CKAP5: variants seen among roughly 807,000 people sequenced by gnomAD.
CKAP5 encodes cytoskeleton-associated protein 5.
A neutral mutation model predicts 232.8 loss-of-function variants in CKAP5; 27 were observed. The observed-to-expected ratio is 0.12, with a 90% CI of 0.09 to 0.16. The LOEUF (loss-of-function observed/expected upper bound fraction) is 0.16, where lower values mean the gene tolerates loss of function less well. CKAP5 is among the 10% of genes least tolerant of loss of function. The probability of loss-of-function intolerance (pLI) is 1.00; values close to 1 mark genes in which losing one functional copy is unlikely to be tolerated. For missense variants in CKAP5, 1,838 were observed against 2,424.7 expected (o/e 0.76, Z 5.08); for synonymous variants, 785 against 841.1 (o/e 0.93, Z 1.16).
chr11:46,767,904 C>G (rs904908543), intron 26 of CKAP5, among the ~76,000 whole-genome samples: 4 of 151,752 alleles, frequency 2.6e-5, no homozygotes, highest in Non-Finnish European at 5.9e-5. Context: ...TGAATTCTCC[C>G]ACCTCAGCCT....
At chr11:46,843,601 C>CA (rs1418031177) in intron 1 of CKAP5, among the ~76,000 whole-genome samples, 2 of 151,724 alleles carry the variant, frequency 1.3e-5, no homozygotes, top group Non-Finnish European at 2.9e-5. Flanking sequence ...CATGGTGATG[C>CA]ACGTCTGTAG....
intron 18 of CKAP5, among the ~76,000 whole-genome samples, chr11:46,781,749 A>C (rs1220420137): frequency 5.9e-5 from 9 of 152,116 alleles, no homozygotes; most frequent in Admixed American, 4.6e-4. Flanking sequence ...ATAGAAAACA[A>C]CACCATCTAA....
At chr11:46,786,569 G>GTT (rs1442401929) in intron 16 of CKAP5, among the ~76,000 whole-genome samples, 1 of 152,222 alleles carries the variant, frequency 6.6e-6, no homozygotes, top group Non-Finnish European at 1.5e-5. Flanking sequence ...TCAGAACTGT[G>GTT]TAAGTCCATA....
At chr11:46,798,033 T>C (rs1477110942) in intron 10 of CKAP5, 50 bp downstream of exon 10, 1 of 1,604,042 alleles carries the variant, frequency 6.2e-7, no homozygotes, top group East Asian at 2.2e-5. Context: ...AAATATTATA[T>C]TTACAAACTT....
chr11:46,748,312 A>AAC (rs1198441679), intron 42 of CKAP5, among the ~76,000 whole-genome samples: 2 of 152,148 alleles, frequency 1.3e-5, no homozygotes, highest in African/African-American at 4.8e-5. Context: ...GATGAGAGAG[A>AAC]ACACACACAC....
intron 42 of CKAP5, among the ~76,000 whole-genome samples, chr11:46,745,396 G>C (rs2065014926): frequency 1.3e-5 from 2 of 152,148 alleles, no homozygotes; most frequent in African/African-American, 4.8e-5. Context: ...TTATGTAAAA[G>C]CCAGCAATAT....
In CKAP5 at chr11:46,751,111, C is replaced by A; in HGVS notation, c.5460+7G>T. 1.2e-6 allele frequency: 2 copies of A among 1,614,036 alleles called. No individual in the cohort carries two copies. The highest frequency in any genetic ancestry group is 2.2e-5 in the South Asian group (2 of 91,066). On this transcript the variant is annotated splice_region_variant and intron_variant, in intron 40 of 43. Transcript: ENST00000529230. The stretch of plus-strand genomic sequence containing the variant: ...TGTCCCTCAATCTTTCAAGTCAGGC[C>A]ACTCACTATTCGAGATGCTCCCTTT...
At chr11:46,792,967 G>T (rs1203817896) in intron 13 of CKAP5, among the ~76,000 whole-genome samples, 1 of 152,168 alleles carries the variant, frequency 6.6e-6, no homozygotes, top group Non-Finnish European at 1.5e-5. Flanking sequence ...GAGGTACTCA[G>T]GGTAAATCCC....
intron 4 of CKAP5, among the ~76,000 whole-genome samples, chr11:46,811,945 A>G (rs181002183): frequency 1.3e-5 from 2 of 152,240 alleles, no homozygotes; most frequent in African/African-American, 4.8e-5. Context: ...TTTGTTCCTG[A>G]CTTTGTGGCT....
chr11:46,776,788 A>T, intron 23 of CKAP5, among the ~76,000 whole-genome samples: 1 of 152,068 alleles, frequency 6.6e-6, no homozygotes, highest in East Asian at 1.9e-4. Flanking sequence ...AATTGACTGA[A>T]AATTAGTTAT....
chr11:46,822,233 A>T (rs908781978), intron 1 of CKAP5, among the ~76,000 whole-genome samples: 3 of 152,080 alleles, frequency 2.0e-5, no homozygotes, highest in Admixed American at 1.3e-4. Flanking sequence ...GTGAGCTGTG[A>T]TCATGCCACT....
At chr11:46,797,022 A>G in intron 11 of CKAP5, 82 bp from the exon 12 acceptor site, 1 of 1,488,084 alleles carries the variant, frequency 6.7e-7, no homozygotes, top group Admixed American at 1.8e-5. Context: ...GATGGTTGCT[A>G]GATAAAGAAT....
chr11:46,812,236 TG>T (rs1323351662), intron 4 of CKAP5, among the ~76,000 whole-genome samples: 1 of 151,562 alleles, frequency 6.6e-6, no homozygotes. Context: ...GAGACTGAGG[TG>T]GAAGAATCGC....
At chr11:46,797,654 T>C (rs1938911220) in intron 11 of CKAP5, 151 bp downstream of exon 11, 2 of 674,850 alleles carry the variant, frequency 3.0e-6, no homozygotes, top group Non-Finnish European at 4.9e-6. Context: ...ACAGGAGAAT[T>C]TGGATTCAGT....
chr11:46,756,592 C>A (rs1443762815), intron 35 of CKAP5, among the ~76,000 whole-genome samples: 1 of 152,156 alleles, frequency 6.6e-6, no homozygotes, highest in Admixed American at 6.5e-5. Context: ...TTACTACCAT[C>A]TAATCCTCAG....
intron 1 of CKAP5, among the ~76,000 whole-genome samples, chr11:46,836,287 T>C (rs1939915650): frequency 6.6e-6 from 1 of 152,230 alleles, no homozygotes; most frequent in South Asian, 2.1e-4. Context: ...CTACACATCA[T>C]CTTTGCAACT....
chr11:46,781,310 T>C (rs771702675), intron 18 of CKAP5, among the ~76,000 whole-genome samples: 11 of 152,228 alleles, frequency 7.2e-5, no homozygotes, highest in Non-Finnish European at 1.5e-5. Context: ...CTACAATCTA[T>C]GTCCAAGCCA....
intron 42 of CKAP5, among the ~76,000 whole-genome samples, chr11:46,745,025 T>C (rs2065012451): frequency 6.6e-6 from 1 of 152,206 alleles, no homozygotes; most frequent in East Asian, 1.9e-4. Flanking sequence ...TGTCCAAGGC[T>C]ATGGTGTATT....
At chr11:46,838,863 TA>T (rs916244089) in intron 1 of CKAP5, among the ~76,000 whole-genome samples, 6 of 117,728 alleles carry the variant, frequency 5.1e-5, no homozygotes, top group South Asian at 5.2e-4. Context: ...AATATAAAAA[TA>T]AAAAAAAATA....
Sources: gnomAD v4.1 joint callset for allele counts (sites outside exome capture counted in the v4.1 genomes callset) on GRCh38, gnomAD v4.1.1 for gene constraint, MANE v1.5 for transcripts, NCBI Gene and HGNC (gene_info 2026-07-23, HGNC 2026-07-21) for gene names.